The following DMGDH variants were observed in gnomAD, a reference collection of about 807,000 sequenced individuals.
The protein encoded by DMGDH is dimethylglycine dehydrogenase, mitochondrial.
In DMGDH, 76 loss-of-function variants were observed where a neutral mutation model predicts 95.2. The observed-to-expected ratio is 0.80, with a 90% CI of 0.66 to 0.97. The LOEUF is 0.97. DMGDH is among the 50% of genes least tolerant of loss of function. The pLI is 0.00. For missense variants in DMGDH, 987 were observed against 1,055.0 expected, an observed-to-expected ratio of 0.94 and a Z score of 0.89; for synonymous variants, 345 against 377.6, an observed-to-expected ratio of 0.91 and a Z score of 1.00.
At chr5:79,012,763 A>G (rs1430082345) in intron 14 of DMGDH, among the ~76,000 whole-genome samples, 2 of 152,242 alleles carry the variant, frequency 1.3e-5, no homozygotes, top group African/African-American at 4.8e-5. Context: ...CCCAAGCTTT[A>G]CTAGGGCTCA....
At chr5:79,059,376 T>C (rs940662948) in intron 2 of DMGDH, among the ~76,000 whole-genome samples, 26 of 152,228 alleles carry the variant, frequency 1.7e-4, no homozygotes, top group African/African-American at 5.3e-4. Flanking sequence ...AAGTGCACGA[T>C]TGGCTGTGTC....
chr5:79,024,159 C>T (rs1753934201), intron 14 of DMGDH, 112 bp downstream of exon 14: 1 of 938,924 alleles, frequency 1.1e-6, no homozygotes, highest in African/African-American at 1.6e-5. Flanking sequence ...TTTATGTTCA[C>T]CTTGTTTCTC....
At chr5:79,041,841 A>T (rs1234992959) in intron 7 of DMGDH, among the ~76,000 whole-genome samples, 1 of 152,124 alleles carries the variant, frequency 6.6e-6, no homozygotes, top group Non-Finnish European at 1.5e-5. Context: ...CTAAAAAAAA[A>T]TTACAAAAAA....
chr5:79,047,642 C>A lies in DMGDH; in HGVS notation c.746-3090G>T, dbSNP rs143978361. 3.2e-4 allele frequency among the ~76,000 whole-genome samples: 48 copies of A among 152,192 alleles called. No homozygotes were observed. In the East Asian group the frequency reaches 8.7e-3, roughly 28 times the overall value. On this transcript the variant is annotated intron_variant, in intron 5 of 15. Transcript: ENST00000255189. Reference sequence around the variant, plus strand: ...CCTGAGGGAAAGGGTAGAGTGAAGCCAATTTGGAAAGCTTTGGTAACTAAA... The same window carrying A: ...CCTGAGGGAAAGGGTAGAGTGAAGCAAATTTGGAAAGCTTTGGTAACTAAA...
chr5:79,038,674 G>T (rs1754417142), intron 7 of DMGDH, among the ~76,000 whole-genome samples: 1 of 152,144 alleles, frequency 6.6e-6, no homozygotes, highest in African/African-American at 2.4e-5. Flanking sequence ...AAACATTTGA[G>T]ATTTACTATT....
At chr5:79,023,302 C>T (rs1183546156) in intron 14 of DMGDH, among the ~76,000 whole-genome samples, 2 of 152,086 alleles carry the variant, frequency 1.3e-5, no homozygotes, top group Non-Finnish European at 2.9e-5. Context: ...AAACAGTAGC[C>T]GCTGCTGCCC....
chr5:79,029,730 C>A (rs1040637409), intron 11 of DMGDH, among the ~76,000 whole-genome samples, 174 bp downstream of exon 11: 3 of 152,120 alleles, frequency 2.0e-5, no homozygotes, highest in Admixed American at 6.5e-5. Context: ...TTGGGAGGGG[C>A]AGGGGCCCTC....
At chr5:79,040,363 A>C (rs1231999469) in intron 7 of DMGDH, among the ~76,000 whole-genome samples, 1 of 152,252 alleles carries the variant, frequency 6.6e-6, no homozygotes, top group Non-Finnish European at 1.5e-5. Flanking sequence ...ATGAGGACAG[A>C]ATAGTCTTTT....
intron 15 of DMGDH, chr5:79,000,966 A>G: frequency 1.5e-6 from 1 of 686,204 alleles, no homozygotes; most frequent in South Asian, 1.8e-5. Context: ...TTGCAAGCAA[A>G]GTGTCCATTT....
chr5:79,042,578 GC>G, intron 6 of DMGDH, 97 bp from the exon 7 acceptor site: 1 of 1,216,214 alleles, frequency 8.2e-7, no homozygotes, highest in Non-Finnish European at 1.2e-6. Context: ...TTTAAAGATG[GC>G]CTGTTAGGAA....
intron 14 of DMGDH, among the ~76,000 whole-genome samples, chr5:79,010,166 A>G (rs1753622433): frequency 6.6e-6 from 1 of 152,236 alleles, no homozygotes; most frequent in Non-Finnish European, 1.5e-5. Context: ...TTTTTAAGTG[A>G]AATATAATTA....
chr5:79,026,097 C>T (rs1287251463), intron 13 of DMGDH, among the ~76,000 whole-genome samples: 2 of 152,064 alleles, frequency 1.3e-5, no homozygotes, highest in African/African-American at 4.8e-5. Context: ...AAAATGAAGA[C>T]GGGCAAAATG....
chr5:79,056,372 G>A (rs901451579), intron 2 of DMGDH, among the ~76,000 whole-genome samples: 2 of 151,324 alleles, frequency 1.3e-5, no homozygotes, highest in African/African-American at 2.4e-5. Flanking sequence ...GTGAAACCCC[G>A]TCTCTATTAA....
intron 1 of DMGDH, among the ~76,000 whole-genome samples, chr5:79,066,417 C>T (rs1287408152): frequency 1.3e-5 from 2 of 151,888 alleles, no homozygotes; most frequent in Non-Finnish European, 2.9e-5. Context: ...TCCCAAGTAG[C>T]TGGGACTGCA....
Position 79,069,588 on chromosome 5 carries a change from G to T in DMGDH, c.33C>A (p.Gly11=). The T allele has an allele frequency of 7.3e-7, 1 of 1,363,238 alleles. No homozygotes were observed. Among genetic ancestry groups the T allele is most frequent in the Non-Finnish European group, 9.5e-7 (1 of 1,057,054 alleles). 84.4% of individuals were successfully genotyped at this position (1,363,238 alleles called of 1,614,324 possible). ...GCAGCGGGCAGCTCCGCAGCAGGAG[G>T]CCCCGCAGCAGCTGCGCGCCGGGAC... The part of the protein sequence containing the change: MLRPGAQLLR[G]LLLRSCPLQG... The change falls in exon 1 of 16, where the codon GGC becomes GGA. Residue 11 remains glycine, a synonymous_variant. Coordinates refer to ENST00000255189, the MANE Select transcript of DMGDH (RefSeq NM_013391.3).
At chr5:79,026,957 G>A (rs556856442) in intron 12 of DMGDH, among the ~76,000 whole-genome samples, 25 of 152,274 alleles carry the variant, frequency 1.6e-4, no homozygotes, top group African/African-American at 5.3e-4. Context: ...TCAGGGCAAC[G>A]AGTTCAAGGT....
intron 7 of DMGDH, 92 bp downstream of exon 7, chr5:79,042,191 A>C: frequency 8.2e-7 from 1 of 1,226,128 alleles, no homozygotes; most frequent in Non-Finnish European, 1.2e-6. Flanking sequence ...TCAGCCTCCC[A>C]CATTTCCCTT....
intron 2 of DMGDH, among the ~76,000 whole-genome samples, chr5:79,061,602 C>A (rs1580232299): frequency 1.3e-5 from 2 of 152,086 alleles, no homozygotes; most frequent in East Asian, 1.9e-4. Flanking sequence ...AATAAAATTT[C>A]AAGGAATCCC....
chr5:79,054,351 G>C lies in DMGDH; in HGVS notation c.376-3C>G. 5 of 1,613,966 alleles carry C rather than the reference G, an allele frequency of 3.1e-6. No individual in the cohort carries two copies. The highest frequency in any genetic ancestry group is 4.2e-6 in the Non-Finnish European group (5 of 1,179,894). On this transcript the variant is annotated splice_region_variant and splice_polypyrimidine_tract_variant and intron_variant, in intron 3 of 15. Transcript: ENST00000255189. ...CCTGGCTGATGGAATCCCACCACCT[G>C]TGACAATAATTCCAGTGAGAGCATA...
Sources: allele counts gnomAD v4.1 joint callset (sites outside exome capture counted in the v4.1 genomes callset), GRCh38; gene constraint gnomAD v4.1.1; transcripts MANE v1.5; gene names NCBI Gene and HGNC (gene_info 2026-07-23, HGNC 2026-07-21).